The following GPATCH1 variants were observed in gnomAD, a reference collection of about 807,000 sequenced individuals.
GPATCH1 encodes the protein G patch domain-containing protein 1.
A neutral mutation model predicts 114.9 loss-of-function variants in GPATCH1; 73 were observed. The observed-to-expected ratio is 0.64, with a 90% CI of 0.53 to 0.77. The LOEUF (loss-of-function observed/expected upper bound fraction) is 0.77. Ranked by LOEUF, GPATCH1 falls within the 30% of genes least tolerant of loss-of-function variation. GPATCH1 has a pLI of 0.00. For synonymous variants in GPATCH1, 391 were observed against 428.4 expected (o/e 0.91, Z 1.08); for missense variants, 1,058 against 1,144.3 (o/e 0.92, Z 1.09).
chr19:33,104,619 C>A (rs959623794), intron 9 of GPATCH1, among the ~76,000 whole-genome samples: 5 of 152,030 alleles, frequency 3.3e-5, no homozygotes, highest in African/African-American at 7.2e-5. Context: ...TTGGGGAACT[C>A]CAGTTATAGC....
At chr19:33,081,528 G>A (rs1307612193) in intron 1 of GPATCH1, among the ~76,000 whole-genome samples, 1 of 152,214 alleles carries the variant, frequency 6.6e-6, no homozygotes, top group African/African-American at 2.4e-5. Flanking sequence ...AATAGCTAGT[G>A]TGAGAGCGGG....
chr19:33,097,703 C>T, intron 7 of GPATCH1, 52 bp from the exon 8 acceptor site: 1 of 1,550,878 alleles, frequency 6.4e-7, no homozygotes. Flanking sequence ...CCCTGAAGAT[C>T]CCAGACATAC....
chr19:33,088,368 A>G lies in GPATCH1; in HGVS notation c.208+100A>G, dbSNP rs190368435. On this transcript the variant is annotated intron_variant, in intron 2 of 19. Transcript: ENST00000170564. The stretch of plus-strand genomic sequence containing the variant: ...TTTTTTTTTTTTTAATTTTGAGACA[A>G]GAGTCTCGCTCTGTCGCCCAGGCTG... The G allele has an allele frequency of 6.5e-3, 5,898 of 900,622 alleles. 26 individuals carry two copies. Among genetic ancestry groups the G allele is most frequent in the Non-Finnish European group, 8.7e-3 (5,128 of 591,712 alleles). 55.8% of individuals were successfully genotyped at this position (900,622 alleles called of 1,614,324 possible).
intron 17 of GPATCH1, among the ~76,000 whole-genome samples, chr19:33,124,680 A>G (rs1320784844): frequency 6.6e-6 from 1 of 152,148 alleles, no homozygotes; most frequent in Non-Finnish European, 1.5e-5. Context: ...CCCATTTTAT[A>G]GTTGGGGAAA....
intron 3 of GPATCH1, 139 bp downstream of exon 3, chr19:33,091,004 T>A (rs1255619479): frequency 3.1e-6 from 2 of 638,850 alleles, no homozygotes; most frequent in Non-Finnish European, 5.6e-6. Context: ...AGGTATTTGA[T>A]GTGCAGTGTC....
chr19:33,103,552 T>G (rs1049295964), intron 9 of GPATCH1, among the ~76,000 whole-genome samples: 4 of 151,654 alleles, frequency 2.6e-5, no homozygotes, highest in Admixed American at 2.0e-4. Flanking sequence ...AATACAAAAA[T>G]TAGCCAGGCA....
In GPATCH1 at chr19:33,102,000, G is replaced by A. The variant is rs187242697; in HGVS notation, c.1080+426G>A. ...GCCAAGATCACACCACTGCACTCCA[G>A]CCTGGACAACACGTAAAACTCTGTC... is the stretch of plus-strand genomic sequence containing the variant. On this transcript the variant is annotated intron_variant, in intron 9 of 19. Transcript: ENST00000170564. Among the ~76,000 whole-genome samples, 6 of 142,782 alleles carry A rather than the reference G, an allele frequency of 4.2e-5. No homozygotes were observed. The East Asian group carries it at 1.3e-3, about 30-fold the overall frequency. The allele number at this position is 142,782 out of a possible 152,430, so 93.7% of individuals were successfully genotyped here.
At chr19:33,093,068 A>G (rs1261734929) in intron 3 of GPATCH1, among the ~76,000 whole-genome samples, 1 of 152,122 alleles carries the variant, frequency 6.6e-6, no homozygotes, top group African/African-American at 2.4e-5. Context: ...TGTGCCTGTA[A>G]TCCCAGCTAC....
chr19:33,125,163 G>A lies in GPATCH1; in HGVS notation c.2580G>A (p.Lys860=). 1 of 1,598,320 alleles carries A rather than the reference G, an allele frequency of 6.3e-7. No homozygotes were observed. The highest frequency in any genetic ancestry group is 1.1e-5 in the South Asian group (1 of 88,578). Residue 860 remains lysine (K), a synonymous_variant, in exon 18 of 20, where the codon AAG becomes AAA. Coordinates refer to ENST00000170564, the MANE Select transcript of GPATCH1 (RefSeq NM_018025.3). Reference sequence around the variant, plus strand: ...AGAAACATAAAAAGAACAAAGACAAGCACAAGGCCAAGAAAGAGCACAGGC... The same window carrying A: ...AGAAACATAAAAAGAACAAAGACAAACACAAGGCCAAGAAAGAGCACAGGC... ...QKEKHKKNKD[K]HKAKKEHRRK... is the part of the protein sequence containing the mutation.
At chr19:33,087,387 G>A (rs1972543949) in intron 1 of GPATCH1, among the ~76,000 whole-genome samples, 2 of 152,142 alleles carry the variant, frequency 1.3e-5, no homozygotes, top group South Asian at 4.1e-4. Context: ...AAATGTATTA[G>A]ATTAAATTCC....
intron 17 of GPATCH1, among the ~76,000 whole-genome samples, chr19:33,124,602 C>T (rs1221661340): frequency 1.3e-5 from 2 of 152,266 alleles, no homozygotes; most frequent in East Asian, 1.9e-4. Flanking sequence ...TTCTGAGCTT[C>T]GAGAATCATG....
chr19:33,118,165 A>G lies in GPATCH1; in HGVS notation c.2413+124A>G, dbSNP rs557491140. 144 of 503,100 alleles carry G rather than the reference A, an allele frequency of 2.9e-4. 1 individual carries two copies. The highest frequency in any genetic ancestry group is 2.7e-3 in the African/African-American group (131 of 48,306). The allele number at this position is 503,100 out of a possible 1,614,324, so 31.2% of individuals were successfully genotyped here. On this transcript the variant is annotated intron_variant, in intron 16 of 19. Coordinates refer to ENST00000170564, the MANE Select transcript of GPATCH1 (RefSeq NM_018025.3). ...AGCAATCAATGATATGTAATCTTTTATATGTATATAATTTTTTTTTTTTTT... is the reference window on the plus strand; with the variant it reads ...AGCAATCAATGATATGTAATCTTTTGTATGTATATAATTTTTTTTTTTTTT...
At position 33,096,544 on chromosome 19, in the gene GPATCH1, T is replaced by C. The variant is rs529621888; in HGVS notation, c.852+98T>C. 104 of 965,544 alleles carry C rather than the reference T, an allele frequency of 1.1e-4. 1 individual carries two copies. Among genetic ancestry groups the C allele is most frequent in the African/African-American group, 2.7e-4 (16 of 60,312 alleles). The allele number at this position is 965,544 out of a possible 1,614,324, so 59.8% of individuals were successfully genotyped here. Reference sequence around the variant, plus strand: ...AGAGGTTCTTTATTTTCTTTTTTTTTCCCCCTAATCCTCAAGTGGAATCAG... The same window carrying C: ...AGAGGTTCTTTATTTTCTTTTTTTTCCCCCCTAATCCTCAAGTGGAATCAG... On this transcript the variant is annotated intron_variant, in intron 7 of 19. Coordinates refer to ENST00000170564, the MANE Select transcript of GPATCH1 (RefSeq NM_018025.3).
chr19:33,126,755 G>A, intron 19 of GPATCH1, 22 bp downstream of exon 19: 1 of 1,583,670 alleles, frequency 6.3e-7, no homozygotes, highest in Non-Finnish European at 8.6e-7. Flanking sequence ...GAGATGGAGG[G>A]TTTTTCAGAA....
rs116826758 is a variant in GPATCH1 at position 33,116,870 on chromosome 19, G to A, written c.2197-955G>A. The stretch of plus-strand genomic sequence containing the variant: ...AAACTGCTACTTCCTCCGGGGTTTC[G>A]TGATTTCTGATGAGAAATCTTCAAC... On this transcript the variant is annotated intron_variant, in intron 15 of 19. Coordinates refer to ENST00000170564, the MANE Select transcript of GPATCH1 (RefSeq NM_018025.3). Among the ~76,000 whole-genome samples, 615 of 151,926 alleles carry A rather than the reference G, an allele frequency of 4.0e-3. 4 individuals are homozygous for A. Among genetic ancestry groups the A allele is most frequent in the African/African-American group, 0.014 (575 of 41,442 alleles).
intron 17 of GPATCH1, among the ~76,000 whole-genome samples, chr19:33,120,635 C>T (rs547192903): frequency 4.6e-5 from 7 of 150,796 alleles, no homozygotes; most frequent in East Asian, 2.0e-4. Context: ...GCAGACAGAT[C>T]GCTTGAGCCC....
intron 5 of GPATCH1, among the ~76,000 whole-genome samples, chr19:33,095,218 A>G (rs1972641692): frequency 6.7e-6 from 1 of 148,784 alleles, no homozygotes; most frequent in Non-Finnish European, 1.5e-5. Context: ...AGCACATTTT[A>G]TAAATGTACC....
chr19:33,091,599 G>A (rs1223608281), intron 3 of GPATCH1, among the ~76,000 whole-genome samples: 1 of 151,888 alleles, frequency 6.6e-6, no homozygotes, highest in Non-Finnish European at 1.5e-5. Flanking sequence ...CCATGATAAA[G>A]ATTAAATAGG....
chr19:33,119,475 G>A (rs1450926139), intron 17 of GPATCH1, among the ~76,000 whole-genome samples: 8 of 152,014 alleles, frequency 5.3e-5, no homozygotes, highest in Non-Finnish European at 1.0e-4. Flanking sequence ...CGAGGTGGGC[G>A]GATCACGAGG....
Sources: gnomAD v4.1 joint callset for allele counts (sites outside exome capture counted in the v4.1 genomes callset) on GRCh38, gnomAD v4.1.1 for gene constraint, MANE v1.5 for transcripts, NCBI Gene and HGNC (gene_info 2026-07-23, HGNC 2026-07-21) for gene names.